ANPEP: variants seen among roughly 807,000 people sequenced by gnomAD.
ANPEP encodes alanyl aminopeptidase, membrane.
ANPEP carries 70 observed loss-of-function variants against 114.6 expected under a neutral mutation model. That is an observed-to-expected ratio of 0.61 (90% CI 0.50 to 0.75). The LOEUF (loss-of-function observed/expected upper bound fraction) is 0.75. Among genes scored for constraint, ANPEP ranks in the 30% least tolerant of loss-of-function variants. The pLI, the probability that ANPEP is intolerant of heterozygous loss-of-function variation, is 0.00. For synonymous variants in ANPEP, 548 were observed against 522.3 expected, an observed-to-expected ratio of 1.05 and a Z score of -0.67; for missense variants, 1,184 against 1,259.5, an observed-to-expected ratio of 0.94 and a Z score of 0.91.
At chr15:89,809,092 G>C (rs906549624) in intron 1 of ANPEP, among the ~76,000 whole-genome samples, 1 of 152,224 alleles carries the variant, frequency 6.6e-6, no homozygotes, top group Non-Finnish European at 1.5e-5. Flanking sequence ...TGCGAAATCA[G>C]GTGTCAGGAA....
chr15:89,797,937 C>T (rs1424525710), intron 14 of ANPEP, among the ~76,000 whole-genome samples: 1 of 152,202 alleles, frequency 6.6e-6, no homozygotes, highest in East Asian at 1.9e-4. Flanking sequence ...AAACAAGGCC[C>T]CACCCTCACC....
chr15:89,794,841 T>C (rs28545693), intron 15 of ANPEP, among the ~76,000 whole-genome samples: 57,950 of 151,800 alleles, frequency 0.38, 12,563 homozygotes, highest in African/African-American at 0.6. Context: ...TACAGAGGCT[T>C]ACTCTCTGGA....
chr15:89,785,961 A>G (rs6496603), intron 20 of ANPEP, among the ~76,000 whole-genome samples: 59,969 of 152,054 alleles, frequency 0.39, 12,342 homozygotes, highest in African/African-American at 0.5. Context: ...AAAGGAATCC[A>G]GAAAGGAAGA....
At position 89,799,907 on chromosome 15, in the gene ANPEP, A is replaced by G. The variant is rs563049715; in HGVS notation, c.1820-348T>C. On this transcript the variant is annotated intron_variant, in intron 12 of 20. Coordinates refer to ENST00000300060, the MANE Select transcript of ANPEP (RefSeq NM_001150.3). This position sits in a 1 kb window ranked among gnomAD's most constrained non-coding sequence, Gnocchi z 4.2. ...CACACCTGTCACCCAAGTGGGAACC[A>G]CAGGCAGCTCCTCCTCTCCCTTCCC... is the stretch of plus-strand genomic sequence containing the variant. Among the ~76,000 whole-genome samples, 1 of 152,268 alleles carries G rather than the reference A, an allele frequency of 6.6e-6. No individual in the cohort carries two copies. Among genetic ancestry groups the G allele is most frequent in the East Asian group, 1.9e-4 (1 of 5,170 alleles).
At chr15:89,794,399 G>A (rs1366150209) in intron 15 of ANPEP, among the ~76,000 whole-genome samples, 1 of 152,114 alleles carries the variant, frequency 6.6e-6, no homozygotes, top group African/African-American at 2.4e-5. Context: ...CAGGAGAATC[G>A]CTTGAATCTG....
At position 89,791,060 on chromosome 15, in the gene ANPEP, G is replaced by C. The variant is rs776930737; in HGVS notation, c.2562C>G (p.Ile854Met). Residue 854 changes from isoleucine to methionine, a missense_variant, in exon 19 of 21, where the codon ATC (isoleucine) becomes ATG (methionine). Ile to Met is a conservative substitution (Grantham distance 10). Transcript: ENST00000300060. The stretch of plus-strand genomic sequence containing the variant: ...TGGTAGAGGTGGCGTCCTGCTTCCG[G>C]ATTAAGTCCGGGTTCAGGGTGTAGC... Reference protein sequence around the residue: ...YLSYTLNPDLIRKQDATSTII... With the variant: ...YLSYTLNPDLMRKQDATSTII... 6.2e-7 allele frequency: 1 copy of C among 1,614,232 alleles called. No homozygotes were observed. Among genetic ancestry groups the C allele is most frequent in the Non-Finnish European group, 8.5e-7 (1 of 1,180,044 alleles).
chr15:89,804,806 G>A lies in ANPEP; in HGVS notation c.898-189C>T, dbSNP rs1375760615. On this transcript the variant is annotated intron_variant, in intron 4 of 20. Coordinates refer to ENST00000300060, the MANE Select transcript of ANPEP (RefSeq NM_001150.3). ...GGGTCTGGAGGCTGTGGGTCCTAGA[G>A]AAGGGCCTTTGGAGAATAACAATCA... 2.6e-5 allele frequency: 23 copies of A among 890,754 alleles called. No individual in the cohort carries two copies. In the Admixed American group the frequency reaches 3.4e-4, roughly 13 times the overall value. 55.2% of individuals were successfully genotyped at this position (890,754 alleles called of 1,614,324 possible).
In ANPEP at chr15:89,797,581, G is replaced by A. The variant is rs756240853; in HGVS notation, c.2151C>T (p.Pro717=). 1.9e-5 allele frequency: 31 copies of A among 1,612,674 alleles called. No homozygotes were observed. In the Admixed American group the frequency reaches 5.2e-4, roughly 27 times the overall value. The stretch of plus-strand genomic sequence containing the variant: ...CTACCATGCACCTCCGTACCTTCAT[G>A]GGGCCATAGACCTCGGAGCGGTCAA... The part of the protein sequence containing the change: ...LMFDRSEVYG[P]MKNYLKKQVT... Residue 717 remains proline (P), a synonymous_variant, in exon 15 of 21, where the codon CCC becomes CCT. Transcript: ENST00000300060.
intron 15 of ANPEP, among the ~76,000 whole-genome samples, chr15:89,794,132 T>G (rs971842440): frequency 3.3e-5 from 5 of 152,046 alleles, no homozygotes; most frequent in African/African-American, 1.2e-4. Context: ...AATTTGCAAT[T>G]GAGAATCTGC....
intron 14 of ANPEP, 138 bp from the exon 15 acceptor site, chr15:89,797,860 T>C (rs1409304893): frequency 8.3e-7 from 1 of 1,207,332 alleles, no homozygotes; most frequent in Non-Finnish European, 1.2e-6. Flanking sequence ...AGGTCCCAGA[T>C]TCCCAACTGA....
At chr15:89,807,443 G>A (rs746737334) in intron 1 of ANPEP, among the ~76,000 whole-genome samples, 8 of 152,340 alleles carry the variant, frequency 5.3e-5, no homozygotes, top group Middle Eastern at 3.4e-3. Flanking sequence ...GCTCACGCCT[G>A]TAATCCTAGC....
rs184664430 is a variant in ANPEP, at chr15:89,793,379, T to C, written c.2158-253A>G. Among the ~76,000 whole-genome samples the C allele has an allele frequency of 1.0e-3, 153 of 152,072 alleles. 4 individuals carry two copies. The highest frequency in any genetic ancestry group is 8.9e-3 in the Admixed American group (136 of 15,274). ...CGGGTCACCATTTCTTAATATAAAA[T>C]GTTGGGTTTTCCCTACACAATCATA... On this transcript the variant is annotated intron_variant, in intron 15 of 20. Transcript: ENST00000300060.
intron 15 of ANPEP, among the ~76,000 whole-genome samples, chr15:89,796,686 G>A (rs1048764172): frequency 3.3e-5 from 5 of 151,268 alleles, no homozygotes; most frequent in Non-Finnish European, 7.4e-5. Context: ...TAGTAGAGAC[G>A]AGGTTTCACC....
At position 89,799,293 on chromosome 15, in the gene ANPEP, G is replaced by T; in HGVS notation, c.1976C>A (p.Ala659Glu). 1 of 1,614,176 alleles carries T rather than the reference G, an allele frequency of 6.2e-7. No homozygotes were observed. Residue 659 changes from alanine (A) to glutamate (E), a missense_variant, in exon 14 of 21, where the codon GCA (alanine) becomes GAA (glutamate). Coordinates refer to ENST00000300060, the MANE Select transcript of ANPEP (RefSeq NM_001150.3). The surrounding 1 kb of genome is among the most constrained non-coding windows in gnomAD (Gnocchi z 4.2). ...DHSAIPVINR[A>E]QIINDAFNLA... Reference sequence around the variant, plus strand: ...GTTGAAGGCGTCATTAATGATCTGTGCCCGATTGATGACAGGGATGGCCTA... The same window carrying T: ...GTTGAAGGCGTCATTAATGATCTGTTCCCGATTGATGACAGGGATGGCCTA...
chr15:89,814,189 G>C (rs780574589), intron 1 of ANPEP, among the ~76,000 whole-genome samples: 6 of 152,232 alleles, frequency 3.9e-5, no homozygotes, highest in African/African-American at 1.4e-4. Flanking sequence ...TGGCCGGGTT[G>C]TAGGAGCGAG....
chr15:89,797,501 T>A lies in ANPEP; in HGVS notation c.2157+74A>T, dbSNP rs141739260. On this transcript the variant is annotated intron_variant, in intron 15 of 20. Transcript: ENST00000300060. Reference sequence around the variant, plus strand: ...ACCAGGAGTCCAGTAGGCAATAGTCTATTAACTTCCTAATAGTGCACTTTC... The same window carrying A: ...ACCAGGAGTCCAGTAGGCAATAGTCAATTAACTTCCTAATAGTGCACTTTC... The A allele has an allele frequency of 2.1e-3, 3,158 of 1,531,334 alleles. 3 individuals are homozygous for A. The highest frequency in any genetic ancestry group is 2.6e-3 in the Non-Finnish European group (2,983 of 1,138,018). 94.9% of individuals were successfully genotyped at this position (1,531,334 alleles called of 1,614,324 possible). A position where few individuals can be genotyped will look rare whatever the true frequency, so the allele number is the denominator to read the frequency against.
intron 10 of ANPEP, 32 bp from the exon 11 acceptor site, chr15:89,801,639 G>C: frequency 6.2e-7 from 1 of 1,606,280 alleles, no homozygotes; most frequent in Non-Finnish European, 8.5e-7. Context: ...GTGGCCATCA[G>C]TGGGACCCTC....
At chr15:89,796,909 C>T (rs990804032) in intron 15 of ANPEP, among the ~76,000 whole-genome samples, 6 of 152,152 alleles carry the variant, frequency 3.9e-5, no homozygotes, top group African/African-American at 9.7e-5. Flanking sequence ...AACCTTTAGA[C>T]GTTTAAGTAT....
Position 89,808,671 on chromosome 15 carries a change from GC to G in ANPEP, c.-223-1866del, listed in dbSNP as rs548359564. 2.7e-3 allele frequency among the ~76,000 whole-genome samples: 406 copies of G among 152,250 alleles called. 3 individuals are homozygous for G. The highest frequency in any genetic ancestry group is 6.8e-3 in the Middle Eastern group (2 of 292). On this transcript the variant is annotated intron_variant, in intron 1 of 20. Transcript: ENST00000300060. ...GCCCTTCTCCAAGCATGGCAGGCAG[GC>G]CGGACTCGTGCCAGGCCCCAGCATG...
Sources: gnomAD v4.1 joint callset for allele counts (sites outside exome capture counted in the v4.1 genomes callset) on GRCh38, gnomAD v4.1.1 for gene constraint, Gnocchi (gnomAD v3.1) non-coding constraint, MANE v1.5 for transcripts, NCBI Gene and HGNC (gene_info 2026-07-23, HGNC 2026-07-21) for gene names.